The following JAM3 variants were observed in gnomAD, a reference collection of about 807,000 sequenced individuals.
JAM3 encodes the protein junctional adhesion molecule C.
A neutral mutation model predicts 39.4 loss-of-function variants in JAM3; 31 were observed. That is an observed-to-expected ratio of 0.79 (90% CI 0.59 to 1.06). The LOEUF is 1.06. Among genes scored for constraint, JAM3 ranks in the 50% least tolerant of loss-of-function variants. The pLI, the probability that JAM3 is intolerant of heterozygous loss-of-function variation, is 0.00. For synonymous variants in JAM3, 182 were observed against 148.7 expected (o/e 1.22, Z -1.63); for missense variants, 455 against 391.4 (o/e 1.16, Z -1.37).
intron 1 of JAM3, among the ~76,000 whole-genome samples, chr11:134,121,508 G>T (rs1004136033): frequency 1.3e-5 from 2 of 150,820 alleles, no homozygotes; most frequent in Non-Finnish European, 3.0e-5. Flanking sequence ...AACATGTTTT[G>T]TTGTTCTTTA....
chr11:134,075,429 A>T (rs1591766816), intron 1 of JAM3, among the ~76,000 whole-genome samples: 1 of 152,188 alleles, frequency 6.6e-6, no homozygotes, highest in African/African-American at 2.4e-5. Flanking sequence ...AGTTATAATG[A>T]TTAATAACAC....
intron 1 of JAM3, among the ~76,000 whole-genome samples, chr11:134,103,036 G>C (rs1022031397): frequency 1.3e-5 from 2 of 152,108 alleles, no homozygotes; most frequent in African/African-American, 4.8e-5. Context: ...TCCTCGAGAA[G>C]AGCAACTCCA....
chr11:134,121,046 G>A (rs141916009), intron 1 of JAM3, among the ~76,000 whole-genome samples: 1,543 of 152,310 alleles, frequency 0.01, 22 homozygotes, highest in African/African-American at 0.033. Context: ...CAGAAGGAGT[G>A]CCTCAGTAGG....
At position 134,144,958 on chromosome 11, in the gene JAM3, T is replaced by G. The variant is rs778407079; in HGVS notation, c.576T>G (p.Asn192Lys). ...TDSRANPRFRNSSFHLNSETG... is the reference protein window; with the variant it reads ...TDSRANPRFRKSSFHLNSETG... ...CCAGAGCCAATCCCAGATTTCGCAA[T>G]TCTTCTTTCCACTTAAACTCTGAAA... Residue 192 changes from asparagine to lysine, a missense_variant, in exon 5 of 9, where the codon AAT (asparagine) becomes AAG (lysine). Coordinates refer to ENST00000299106, the MANE Select transcript of JAM3 (RefSeq NM_032801.5). 1.9e-6 allele frequency: 3 copies of G among 1,614,044 alleles called. No individual in the cohort carries two copies. Among genetic ancestry groups the G allele is most frequent in the Non-Finnish European group, 2.5e-6 (3 of 1,179,990 alleles).
chr11:134,125,962 C>A (rs575909439), intron 1 of JAM3, among the ~76,000 whole-genome samples: 19 of 152,302 alleles, frequency 1.2e-4, no homozygotes, highest in Non-Finnish European at 2.5e-4. Context: ...TTCACACTTG[C>A]TCTATGTCAA....
In JAM3 at chr11:134,151,099, A is replaced by G. The variant is rs1943216956; in HGVS notation, c.*1918A>G. 1.3e-5 allele frequency: 2 copies of G among 152,272 alleles called. No homozygotes were observed. The highest frequency in any genetic ancestry group is 4.8e-5 in the African/African-American group (2 of 41,472). 9.4% of individuals were successfully genotyped at this position (152,272 alleles called of 1,614,324 possible). ...GCTGTAAAGCAAGGAGCTGCTGAGA[A>G]GGAGCACTCCACTGTGTGCCTGGAG... On this transcript the variant is annotated 3_prime_UTR_variant, in exon 9 of 9. Coordinates refer to ENST00000299106, the MANE Select transcript of JAM3 (RefSeq NM_032801.5).
chr11:134,090,111 T>G (rs111453788), intron 1 of JAM3, among the ~76,000 whole-genome samples: 6,073 of 152,268 alleles, frequency 0.04, 373 homozygotes, highest in African/African-American at 0.14. Context: ...TGTCTTCTTT[T>G]GAGAAGTGTC....
In JAM3 at chr11:134,145,957, T is replaced by A; in HGVS notation, c.624T>A (p.Ala208=). ...NSETGTLVFT[A]VHKDDSGQYY... is the part of the protein sequence containing the mutation. The stretch of plus-strand genomic sequence containing the variant: ...ATTCCCTGAAACAGGTGTTCACTGC[T>A]GTTCACAAGGACGACTCTGGGCAGT... Residue 208 remains alanine (A), a synonymous_variant, in exon 6 of 9, where the codon GCT becomes GCA. Coordinates refer to ENST00000299106, the MANE Select transcript of JAM3 (RefSeq NM_032801.5). 1 of 1,612,706 alleles carries A rather than the reference T, an allele frequency of 6.2e-7. No homozygotes were observed. Among genetic ancestry groups the A allele is most frequent in the Non-Finnish European group, 8.5e-7 (1 of 1,178,670 alleles).
chr11:134,132,334 C>T (rs1942785090), intron 1 of JAM3, among the ~76,000 whole-genome samples: 1 of 152,128 alleles, frequency 6.6e-6, no homozygotes. Context: ...GCAAAACCAT[C>T]CTTCAACTAT....
chr11:134,119,565 A>T (rs1351559890), intron 1 of JAM3, among the ~76,000 whole-genome samples: 1 of 152,206 alleles, frequency 6.6e-6, no homozygotes, highest in African/African-American at 2.4e-5. Context: ...GTGAGTTCAG[A>T]ATCTGCAGTA....
chr11:134,140,885 GTTTT>G (rs370582772), intron 3 of JAM3, 115 bp downstream of exon 3: 1 of 995,964 alleles, frequency 1.0e-6, no homozygotes, highest in Admixed American at 3.4e-5. Context: ...AGCTAGGACC[GTTTT>G]TTTTTTTTTA....
chr11:134,088,549 A>G (rs1275937697), intron 1 of JAM3, among the ~76,000 whole-genome samples: 1 of 152,200 alleles, frequency 6.6e-6, no homozygotes, highest in African/African-American at 2.4e-5. Context: ...TTTTCTATAT[A>G]CTTAAGTTGT....
chr11:134,146,913 T>C (rs1467675211), intron 6 of JAM3, among the ~76,000 whole-genome samples: 1 of 152,140 alleles, frequency 6.6e-6, no homozygotes, highest in East Asian at 1.9e-4. Context: ...GGAGCTCTCC[T>C]CAGAGCAGCA....
chr11:134,123,742 T>G, intron 1 of JAM3: 1 of 621,786 alleles, frequency 1.6e-6, no homozygotes, highest in Non-Finnish European at 2.9e-6. Flanking sequence ...ATGACACAGG[T>G]AAGATTCCAG....
chr11:134,116,743 C>T (rs1942440624), intron 1 of JAM3, among the ~76,000 whole-genome samples: 1 of 151,892 alleles, frequency 6.6e-6, no homozygotes, highest in African/African-American at 2.4e-5. Context: ...CTTCTAGGCT[C>T]TCGGTGAACA....
At chr11:134,135,271 T>G (rs1158536111) in intron 1 of JAM3, among the ~76,000 whole-genome samples, 2 of 152,226 alleles carry the variant, frequency 1.3e-5, no homozygotes, top group Non-Finnish European at 2.9e-5. Context: ...TTGGAAAGGT[T>G]GTCCTTTCTC....
rs1943177584 is a variant in JAM3 at position 134,150,312 on chromosome 11, A to G, written c.*1131A>G. 6.6e-6 allele frequency: 1 copy of G among 152,358 alleles called. No homozygotes were observed. The highest frequency in any genetic ancestry group is 1.5e-5 in the Non-Finnish European group (1 of 68,126). The allele number at this position is 152,358 out of a possible 1,614,324, so 9.4% of individuals were successfully genotyped here. A position where few individuals can be genotyped will look rare whatever the true frequency, so the allele number is the denominator to read the frequency against. ...TAGCTTTGAACTGCCTCTTCCTGAG[A>G]TGACTAGGACAGTCTGTACCCAGAG... On this transcript the variant is annotated 3_prime_UTR_variant, in exon 9 of 9. Coordinates refer to ENST00000299106, the MANE Select transcript of JAM3 (RefSeq NM_032801.5).
intron 1 of JAM3, among the ~76,000 whole-genome samples, chr11:134,097,814 T>C (rs1440514079): frequency 6.6e-6 from 1 of 151,756 alleles, no homozygotes; most frequent in Non-Finnish European, 1.5e-5. Context: ...AGAGTGATCT[T>C]CAGATTTTTA....
At chr11:134,118,813 G>A (rs1316352314) in intron 1 of JAM3, among the ~76,000 whole-genome samples, 1 of 152,028 alleles carries the variant, frequency 6.6e-6, no homozygotes, top group South Asian at 2.1e-4. Context: ...TTCCACTTAT[G>A]CTTTAAAAGC....
Sources: gnomAD v4.1 joint callset for allele counts (sites outside exome capture counted in the v4.1 genomes callset) on GRCh38, gnomAD v4.1.1 for gene constraint, MANE v1.5 for transcripts, NCBI Gene and HGNC (gene_info 2026-07-23, HGNC 2026-07-21) for gene names.